Variants in RIMS2 observed in about 807,000 individuals in gnomAD.
RIMS2 encodes regulating synaptic membrane exocytosis protein 2.
A neutral mutation model predicts 174.4 loss-of-function variants in RIMS2; 59 were observed. That is an observed-to-expected ratio of 0.34 (90% CI 0.27 to 0.42). The LOEUF (loss-of-function observed/expected upper bound fraction) is 0.42. RIMS2 is among the 10% of genes least tolerant of loss of function. RIMS2 has a pLI of 1.00. For missense variants in RIMS2, 1,620 were observed against 1,666.3 expected, an observed-to-expected ratio of 0.97 and a Z score of 0.48; for synonymous variants, 606 against 572.5, an observed-to-expected ratio of 1.06 and a Z score of -0.84.
chr8:104,135,183 T>C (rs886265390), intron 19 of RIMS2, among the ~76,000 whole-genome samples: 3 of 152,138 alleles, frequency 2.0e-5, no homozygotes. Flanking sequence ...TTGAATAGCA[T>C]GAAGAAGGTA....
At chr8:104,213,530 G>A (rs1329454714) in intron 19 of RIMS2, among the ~76,000 whole-genome samples, 1 of 152,164 alleles carries the variant, frequency 6.6e-6, no homozygotes, top group Non-Finnish European at 1.5e-5. Context: ...TCAAGCTTAA[G>A]AAAGTGCCTG....
chr8:103,578,183 C>T (rs1258687164), intron 1 of RIMS2, among the ~76,000 whole-genome samples: 1 of 152,178 alleles, frequency 6.6e-6, no homozygotes, highest in Non-Finnish European at 1.5e-5. Flanking sequence ...TAATCAAATT[C>T]TCAAAGGTCA....
Position 103,876,864 on chromosome 8 carries a change from TTATATATATATATATATATATA to T in RIMS2, c.699-8409_699-8388del, listed in dbSNP as rs199997824. 0.011 allele frequency among the ~76,000 whole-genome samples: 770 copies of T among 68,106 alleles called. 47 individuals carry two copies. In the East Asian group the frequency reaches 0.12, roughly 11 times the overall value. 44.7% of individuals were successfully genotyped at this position (68,106 alleles called of 152,430 possible). On this transcript the variant is annotated intron_variant, in intron 3 of 23. Transcript: ENST00000504942. ...TGTATATATACACACACACACTATT[TTATATATATATATATATATATA>T]TATATATATATATATATATATATAC...
At chr8:104,008,147 T>A (rs527772020) in intron 17 of RIMS2, among the ~76,000 whole-genome samples, 1 of 152,122 alleles carries the variant, frequency 6.6e-6, no homozygotes, top group Non-Finnish European at 1.5e-5. Context: ...TTATGGAATC[T>A]GAGAATCTGG....
At chr8:104,078,310 T>A (rs2097340200) in intron 19 of RIMS2, among the ~76,000 whole-genome samples, 1 of 152,342 alleles carries the variant, frequency 6.6e-6, no homozygotes, top group Non-Finnish European at 1.5e-5. Flanking sequence ...AGGGCTGCTA[T>A]AACAAAATAC....
intron 15 of RIMS2, among the ~76,000 whole-genome samples, chr8:103,962,777 A>T (rs1389608427): frequency 2.0e-5 from 3 of 152,040 alleles, no homozygotes; most frequent in Non-Finnish European, 4.4e-5. Flanking sequence ...GGTGCACACT[A>T]CCTAGTGTGT....
intron 2 of RIMS2, among the ~76,000 whole-genome samples, chr8:103,722,827 C>A (rs1365483739): frequency 6.6e-6 from 1 of 152,160 alleles, no homozygotes; most frequent in Non-Finnish European, 1.5e-5. Flanking sequence ...GGAGAGAACT[C>A]CTTATGGACC....
intron 14 of RIMS2, among the ~76,000 whole-genome samples, chr8:103,943,674 T>C (rs1223061298): frequency 2.6e-5 from 4 of 152,150 alleles, no homozygotes; most frequent in Admixed American, 2.6e-4. Flanking sequence ...ATAATGACAT[T>C]GTAGGCTTTT....
intron 2 of RIMS2, among the ~76,000 whole-genome samples, chr8:103,748,578 G>A (rs930941024): frequency 2.6e-5 from 4 of 152,072 alleles, no homozygotes; most frequent in African/African-American, 4.8e-5. Context: ...CTGCAAGGTC[G>A]TTCTGGTGAT....
intron 1 of RIMS2, among the ~76,000 whole-genome samples, chr8:103,545,447 C>T (rs141402335): frequency 6.6e-6 from 1 of 152,288 alleles, no homozygotes; most frequent in Non-Finnish European, 1.5e-5. Flanking sequence ...ACTTGGAAAA[C>T]ATATTTGAGG....
chr8:103,738,404 T>C (rs977179915), intron 2 of RIMS2, among the ~76,000 whole-genome samples: 15 of 152,194 alleles, frequency 9.9e-5, no homozygotes, highest in African/African-American at 3.4e-4. Flanking sequence ...AAGATTTAAT[T>C]GTTAGACCTA....
intron 2 of RIMS2, among the ~76,000 whole-genome samples, chr8:103,763,724 A>G (rs1307704119): frequency 6.6e-6 from 1 of 152,184 alleles, no homozygotes; most frequent in Non-Finnish European, 1.5e-5. Flanking sequence ...CATCTGTCTT[A>G]TATTAATATT....
chr8:103,808,053 T>C (rs561266740), intron 3 of RIMS2, among the ~76,000 whole-genome samples: 2 of 152,248 alleles, frequency 1.3e-5, no homozygotes, highest in South Asian at 4.1e-4. Flanking sequence ...AAGATGTCTA[T>C]TCCTAGACTA....
chr8:103,742,688 G>C (rs747133714), intron 2 of RIMS2, among the ~76,000 whole-genome samples: 29 of 152,090 alleles, frequency 1.9e-4, no homozygotes, highest in Non-Finnish European at 2.9e-4. Context: ...TTCTTATAAT[G>C]TGAATAGTTT....
chr8:103,605,891 T>C (rs1278273701), intron 1 of RIMS2, among the ~76,000 whole-genome samples: 1 of 150,676 alleles, frequency 6.6e-6, no homozygotes. Context: ...TCTTCTCTCT[T>C]TTTTTCTTTA....
chr8:103,982,475 T>A (rs1232776661), intron 16 of RIMS2, among the ~76,000 whole-genome samples: 1 of 137,828 alleles, frequency 7.3e-6, no homozygotes, highest in Non-Finnish European at 1.5e-5. Context: ...CTCTAATGAA[T>A]ATTGATGCAG....
chr8:104,048,822 G>A lies in RIMS2; in HGVS notation c.3334+34207G>A, dbSNP rs545886911. On this transcript the variant is annotated intron_variant, in intron 19 of 23. Transcript: ENST00000504942. ...CATAGTAAATAATCAAAGAATGGTA[G>A]CTCTTATTAATTATTACACAACTCA... Among the ~76,000 whole-genome samples, 3 of 148,126 alleles carry A rather than the reference G, an allele frequency of 2.0e-5. No individual in the cohort carries two copies. The East Asian group carries it at 5.8e-4, about 29-fold the overall frequency.
chr8:103,785,432 GA>G (rs1189896331), intron 3 of RIMS2, among the ~76,000 whole-genome samples: 7 of 151,930 alleles, frequency 4.6e-5, no homozygotes, highest in Non-Finnish European at 7.4e-5. Flanking sequence ...TTCTTATTTT[GA>G]GATACATCCC....
chr8:103,826,257 T>C (rs2098790271), intron 3 of RIMS2, among the ~76,000 whole-genome samples: 1 of 152,148 alleles, frequency 6.6e-6, no homozygotes, highest in Non-Finnish European at 1.5e-5. Flanking sequence ...TTGTCTTCCA[T>C]TGTGGTTTTT....
Sources: gnomAD v4.1 joint callset for allele counts (sites outside exome capture counted in the v4.1 genomes callset) on GRCh38, gnomAD v4.1.1 for gene constraint, MANE v1.5 for transcripts, NCBI Gene and HGNC (gene_info 2026-07-23, HGNC 2026-07-21) for gene names.